METTL15: variants seen among roughly 807,000 people sequenced by gnomAD.
The protein encoded by METTL15 is 12S rRNA N(4)-cytidine methyltransferase METTL15.
METTL15 carries 34 observed loss-of-function variants against 38.3 expected under a neutral mutation model. That is an observed-to-expected ratio of 0.89 (90% CI 0.68 to 1.18). METTL15 has a LOEUF of 1.18. Ranked by LOEUF, METTL15 falls within the 50% of genes most tolerant of loss-of-function variation. The probability of loss-of-function intolerance (pLI) is 0.00; values close to 1 mark genes in which losing one functional copy is unlikely to be tolerated. For missense variants in METTL15, 438 were observed against 498.4 expected (o/e 0.88, Z 1.15); for synonymous variants, 162 against 170.9 (o/e 0.95, Z 0.41).
intron 6 of METTL15, among the ~76,000 whole-genome samples, chr11:28,512,493 G>A (rs2133501832): frequency 6.6e-6 from 1 of 152,322 alleles, no homozygotes; most frequent in African/African-American, 2.4e-5. Context: ...AGGCAGCTAA[G>A]GCCCGGTGAG....
At chr11:28,178,067 G>T (rs1049889889) in intron 3 of METTL15, among the ~76,000 whole-genome samples, 1 of 151,860 alleles carries the variant, frequency 6.6e-6, no homozygotes, top group East Asian at 1.9e-4. Context: ...TTCCATAGAG[G>T]TTAGAAGTGA....
chr11:28,329,499 A>T (rs1456006257), intron 6 of METTL15, among the ~76,000 whole-genome samples: 1 of 152,144 alleles, frequency 6.6e-6, no homozygotes, highest in African/African-American at 2.4e-5. Context: ...AGTCAGCTGG[A>T]ATTCTGATAG....
At chr11:28,214,393 A>G (rs1458150670) in intron 4 of METTL15, among the ~76,000 whole-genome samples, 2 of 152,174 alleles carry the variant, frequency 1.3e-5, no homozygotes, top group African/African-American at 2.4e-5. Context: ...TTGCTGAAGT[A>G]TAGAAATACA....
At chr11:28,156,206 T>A (rs1055339210) in intron 3 of METTL15, among the ~76,000 whole-genome samples, 1 of 152,160 alleles carries the variant, frequency 6.6e-6, no homozygotes, top group Non-Finnish European at 1.5e-5. Context: ...CCTTGGTCTT[T>A]ACAGAAGACA....
At chr11:28,415,159 A>G (rs1049221026) in intron 5 of METTL15, among the ~76,000 whole-genome samples, 2 of 152,186 alleles carry the variant, frequency 1.3e-5, no homozygotes, top group Admixed American at 6.5e-5. Flanking sequence ...GTTCTTGAAG[A>G]CTTTAAATAG....
In METTL15 at chr11:28,247,279, AT is replaced by A. The variant is rs535002415; in HGVS notation, c.407+36084del. On this transcript the variant is annotated intron_variant, in intron 4 of 6. Coordinates refer to ENST00000407364, the MANE Select transcript of METTL15 (RefSeq NM_001113528.2). Reference sequence around the variant, plus strand: ...TATAAAAATTATTAATGAGACATAAATTTGTTGATTTCTATAATTTTTCAGG... The same window carrying A: ...TATAAAAATTATTAATGAGACATAAATTGTTGATTTCTATAATTTTTCAGG... Among the ~76,000 whole-genome samples the A allele has an allele frequency of 3.4e-3, 511 of 152,268 alleles. 6 individuals carry two copies. The highest frequency in any genetic ancestry group is 0.012 in the African/African-American group (493 of 41,570).
chr11:28,298,119 G>A (rs1856800536), intron 6 of METTL15, among the ~76,000 whole-genome samples: 2 of 151,916 alleles, frequency 1.3e-5, no homozygotes, highest in Non-Finnish European at 2.9e-5. Context: ...CAGAATTCTT[G>A]TGGTTATATG....
At chr11:28,261,736 G>T (rs1855210413) in intron 4 of METTL15, among the ~76,000 whole-genome samples, 1 of 152,078 alleles carries the variant, frequency 6.6e-6, no homozygotes, top group Non-Finnish European at 1.5e-5. Context: ...AGTAAAAATA[G>T]TTGGCTATTA....
At chr11:28,387,381 TTAAAA>T (rs972434698) in intron 5 of METTL15, among the ~76,000 whole-genome samples, 2 of 151,252 alleles carry the variant, frequency 1.3e-5, no homozygotes, top group Non-Finnish European at 3.0e-5. Context: ...GCCACAGAAA[TTAAAA>T]TAAAAGATCA....
At chr11:28,418,123 GTCTTTGATACTGCCAGCTGTCAC>G (rs1850789055) in intron 5 of METTL15, among the ~76,000 whole-genome samples, 2 of 152,218 alleles carry the variant, frequency 1.3e-5, no homozygotes, top group Middle Eastern at 3.4e-3. Context: ...CCAGCTGTCA[GTCTTTGATACTGCCAGCTGTCAC>G]TCTTTGATAC....
chr11:28,376,044 A>C (rs1850307307), intron 5 of METTL15, among the ~76,000 whole-genome samples: 1 of 151,850 alleles, frequency 6.6e-6, no homozygotes, highest in Non-Finnish European at 1.5e-5. Flanking sequence ...GTTTGTTATA[A>C]TTTCTGTTCT....
chr11:28,520,888 T>C lies in METTL15; in HGVS notation c.*425-5590T>C, dbSNP rs564346088. 1.9e-3 allele frequency among the ~76,000 whole-genome samples: 284 copies of C among 152,378 alleles called. 1 individual carries two copies. The highest frequency in any genetic ancestry group is 6.8e-3 in the Middle Eastern group (2 of 294). On this transcript the variant is annotated intron_variant and NMD_transcript_variant, in intron 6 of 7. Transcript: ENST00000532947. The stretch of plus-strand genomic sequence containing the variant: ...AAATGTTTTCCAACCTCTTTCAAGA[T>C]TTCTGATGCTGCTGGATTCTAACTT...
intron 3 of METTL15, among the ~76,000 whole-genome samples, chr11:28,199,869 A>G (rs1044854997): frequency 2.6e-5 from 4 of 151,704 alleles, no homozygotes; most frequent in African/African-American, 9.7e-5. Flanking sequence ...CAGCCTCCCA[A>G]GTAGCTGGGA....
At chr11:28,225,320 G>C (rs1204065679) in intron 4 of METTL15, among the ~76,000 whole-genome samples, 1 of 151,670 alleles carries the variant, frequency 6.6e-6, no homozygotes, top group Non-Finnish European at 1.5e-5. Flanking sequence ...TCCTTATGTG[G>C]GTTCATGTCT....
chr11:28,314,493 A>G (rs560600234), intron 6 of METTL15, among the ~76,000 whole-genome samples: 9 of 152,322 alleles, frequency 5.9e-5, no homozygotes, highest in African/African-American at 1.9e-4. Flanking sequence ...AAGGGTTCAA[A>G]TAAAGTATTT....
chr11:28,518,186 A>AAATT lies in METTL15; in HGVS notation c.*425-8290_*425-8287dup, dbSNP rs1851734694. On this transcript the variant is annotated intron_variant and NMD_transcript_variant, in intron 6 of 7. Transcript: ENST00000532947. Reference sequence around the variant, plus strand: ...AAAGGTTTAAAAAAAAAGCATAAAGAAATTATCTAGGCAGTACAGGATCTC... The same window carrying AAATT: ...AAAGGTTTAAAAAAAAAGCATAAAGAAATTAATTATCTAGGCAGTACAGGATCTC... Among the ~76,000 whole-genome samples, 7 of 152,140 alleles carry AAATT rather than the reference A, an allele frequency of 4.6e-5. No homozygotes were observed. In the South Asian group the frequency reaches 1.5e-3, roughly 32 times the overall value.
intron 3 of METTL15, among the ~76,000 whole-genome samples, chr11:28,204,525 A>G (rs1035887455): frequency 2.1e-5 from 3 of 144,820 alleles, no homozygotes. Context: ...ACCAAGTAGG[A>G]AAACATCGAT....
At chr11:28,446,224 CAGGGA>C (rs969028987) in intron 6 of METTL15, among the ~76,000 whole-genome samples, 1 of 152,076 alleles carries the variant, frequency 6.6e-6, no homozygotes, top group Non-Finnish European at 1.5e-5. Flanking sequence ...AATGGACTGA[CAGGGA>C]CCTTGAAGGG....
At chr11:28,187,565 A>G (rs948936845) in intron 3 of METTL15, among the ~76,000 whole-genome samples, 14 of 146,764 alleles carry the variant, frequency 9.5e-5, no homozygotes, top group Middle Eastern at 3.3e-3. Flanking sequence ...TCCATCTTAT[A>G]TTAAAATAAT....
Sources: allele counts gnomAD v4.1 joint callset (sites outside exome capture counted in the v4.1 genomes callset), GRCh38; gene constraint gnomAD v4.1.1; transcripts MANE v1.5; gene names NCBI Gene and HGNC (gene_info 2026-07-23, HGNC 2026-07-21).